Variants in TNRC18 observed in about 807,000 individuals in gnomAD.
TNRC18 encodes trinucleotide repeat containing 18, also known as trinucleotide repeat-containing gene 18 protein.
TNRC18 carries 69 observed loss-of-function variants against 226.7 expected under a neutral mutation model. The ratio of observed to expected loss-of-function variants is 0.30; its 90% CI spans 0.25 to 0.37. TNRC18 has a LOEUF of 0.37. Ranked by LOEUF, TNRC18 falls within the 10% of genes least tolerant of loss-of-function variation. The pLI is 1.00. For missense variants in TNRC18, 4,754 were observed against 4,256.6 expected, an observed-to-expected ratio of 1.12 and a Z score of -3.25; for synonymous variants, 2,449 against 1,927.6, an observed-to-expected ratio of 1.27 and a Z score of -7.09.
At chr7:5,316,143 A>C in intron 24 of TNRC18, 71 bp from the exon 25 acceptor site, 1 of 1,242,922 alleles carries the variant, frequency 8.0e-7, no homozygotes, top group South Asian at 1.3e-5. Flanking sequence ...AAGGGTCAGG[A>C]TGGCAGAAAC....
intron 17 of TNRC18, among the ~76,000 whole-genome samples, chr7:5,348,633 G>A (rs1280803887): frequency 6.7e-6 from 1 of 149,176 alleles, no homozygotes; most frequent in Non-Finnish European, 1.5e-5. Flanking sequence ...AGTCTGAGGA[G>A]TCCGCAGAGG....
At position 5,399,470 on chromosome 7, in the gene TNRC18, T is replaced by A. The variant is rs546513842; in HGVS notation, c.188-4875A>T. ...GCTCACACCTATAATCCCAGCACTTTGGGAGGACGAGGCGGGCAGATCACT... is the reference window on the plus strand; with the variant it reads ...GCTCACACCTATAATCCCAGCACTTAGGGAGGACGAGGCGGGCAGATCACT... On this transcript the variant is annotated intron_variant, in intron 2 of 29. Coordinates refer to ENST00000430969, the MANE Select transcript of TNRC18 (RefSeq NM_001080495.3). 2.6e-5 allele frequency among the ~76,000 whole-genome samples: 4 copies of A among 152,174 alleles called. No individual in the cohort carries two copies. The South Asian group carries it at 6.2e-4, about 24-fold the overall frequency.
chr7:5,365,718 T>C (rs554080282), intron 11 of TNRC18, among the ~76,000 whole-genome samples: 1 of 152,232 alleles, frequency 6.6e-6, no homozygotes, highest in South Asian at 2.1e-4. Flanking sequence ...CCTCCCAAAG[T>C]ACTGGGATTG....
intron 14 of TNRC18, among the ~76,000 whole-genome samples, chr7:5,360,607 G>A (rs1400141393): frequency 6.6e-6 from 1 of 152,070 alleles, no homozygotes; most frequent in Non-Finnish European, 1.5e-5. Flanking sequence ...CACACTAAGG[G>A]GTGGTGCTGG....
intron 11 of TNRC18, among the ~76,000 whole-genome samples, chr7:5,363,662 G>A (rs1019641877): frequency 2.6e-5 from 4 of 152,134 alleles, no homozygotes; most frequent in Non-Finnish European, 5.9e-5. Context: ...ACAGGGTCCT[G>A]TGCTCTATTC....
chr7:5,322,283 A>AATAATAATC lies in TNRC18; in HGVS notation c.6443-1094_6443-1093insGATTATTAT, dbSNP rs146792528. ...ACAGAGAGTCAGATTCCGTCTCAATAATCATCATCATCATCATCATCATCA... is the reference window on the plus strand; with the variant it reads ...ACAGAGAGTCAGATTCCGTCTCAATAATAATAATCATCATCATCATCATCATCATCATCA... On this transcript the variant is annotated intron_variant, in intron 21 of 29. Transcript: ENST00000430969. Among the ~76,000 whole-genome samples the AATAATAATC allele has an allele frequency of 2.7e-3, 401 of 149,500 alleles. 2 individuals carry two copies. The highest frequency in any genetic ancestry group is 9.3e-3 in the African/African-American group (380 of 40,706).
chr7:5,359,313 C>A, intron 15 of TNRC18, 85 bp downstream of exon 15: 3 of 1,390,078 alleles, frequency 2.2e-6, no homozygotes, highest in Non-Finnish European at 3.0e-6. Context: ...GAACAAAGGG[C>A]CTGCGAAGGG....
chr7:5,392,307 CA>C (rs1780358874), intron 3 of TNRC18, among the ~76,000 whole-genome samples: 1 of 152,032 alleles, frequency 6.6e-6, no homozygotes, highest in African/African-American at 2.4e-5. Context: ...ACTAAAAATA[CA>C]AAAAATTAGA....
At chr7:5,402,729 C>T (rs1781192752) in intron 2 of TNRC18, among the ~76,000 whole-genome samples, 1 of 151,968 alleles carries the variant, frequency 6.6e-6, no homozygotes, top group Admixed American at 6.6e-5. Flanking sequence ...TGGTGGACGC[C>T]TATAATCCCA....
intron 21 of TNRC18, among the ~76,000 whole-genome samples, chr7:5,323,568 G>GTTTTTTTT (rs1554272402): frequency 0.12 from 14,242 of 121,986 alleles, 1,431 homozygotes; most frequent in Admixed American, 0.19. Context: ...GCACCAGACA[G>GTTTTTTTT]TTTTTTTTTT....
chr7:5,341,506 G>C (rs1790682522), intron 18 of TNRC18, among the ~76,000 whole-genome samples: 1 of 151,562 alleles, frequency 6.6e-6, no homozygotes, highest in Admixed American at 6.6e-5. Context: ...GCTCACACCT[G>C]TAATCCCAGC....
At chr7:5,311,908 A>G (rs1259720977) in intron 27 of TNRC18, among the ~76,000 whole-genome samples, 2 of 151,734 alleles carry the variant, frequency 1.3e-5, no homozygotes, top group Non-Finnish European at 2.9e-5. Context: ...CGAGGCAGGC[A>G]GATCACTTGA....
chr7:5,312,419 G>C lies in TNRC18; in HGVS notation c.8388+84C>G, dbSNP rs1193971335. 4.2e-5 allele frequency: 64 copies of C among 1,522,460 alleles called. No homozygotes were observed. The highest frequency in any genetic ancestry group is 5.4e-5 in the Non-Finnish European group (62 of 1,140,694). 94.3% of individuals were successfully genotyped at this position (1,522,460 alleles called of 1,614,324 possible). On this transcript the variant is annotated intron_variant, in intron 27 of 29. Transcript: ENST00000430969. This position sits in a 1 kb window ranked among gnomAD's most constrained non-coding sequence, Gnocchi z 6.3. ...GGGTTCTGGGAGGTTACCACACACG[G>C]AGACACAGCATGAAGCCGTGGGCCC...
intron 2 of TNRC18, 166 bp downstream of exon 2, chr7:5,420,894 G>GGGC (rs1490103892): frequency 1.0e-5 from 9 of 881,542 alleles, no homozygotes; most frequent in African/African-American, 3.3e-5. Context: ...CACCGCCTTG[G>GGGC]CTCCGGGACC....
In TNRC18 at chr7:5,362,631, G is replaced by A. The variant is rs759326478; in HGVS notation, c.4395+19C>T. 1.4e-5 allele frequency: 21 copies of A among 1,537,100 alleles called. No homozygotes were observed. Among genetic ancestry groups the A allele is most frequent in the Admixed American group, 1.9e-5 (1 of 51,372 alleles). ...AGCCTCCCCCGCGGACCCCAGGGAG[G>A]AAGCAGCCAGCCGCTCACCCGCTCC... On this transcript the variant is annotated intron_variant, in intron 12 of 29. Coordinates refer to ENST00000430969, the MANE Select transcript of TNRC18 (RefSeq NM_001080495.3).
intron 5 of TNRC18, among the ~76,000 whole-genome samples, chr7:5,380,205 G>A (rs1779300641): frequency 6.6e-6 from 1 of 152,174 alleles, no homozygotes; most frequent in Admixed American, 6.5e-5. Context: ...CAGCACTCTG[G>A]GAGGCCGAGG....
At chr7:5,379,848 A>G (rs1294072024) in intron 5 of TNRC18, among the ~76,000 whole-genome samples, 4 of 152,144 alleles carry the variant, frequency 2.6e-5, no homozygotes, top group Admixed American at 1.3e-4. Context: ...CGGCCTTCCC[A>G]GGGCTTCCGG....
chr7:5,361,997 C>T lies in TNRC18; in HGVS notation c.4432G>A (p.Ala1478Thr), dbSNP rs369633677. Residue 1478 changes from alanine to threonine, a missense_variant, in exon 13 of 30, where the codon GCC becomes ACC. Transcript: ENST00000430969. ...AMKSSLEDMD[A>T]LELDFRMRLA... Reference sequence around the variant, plus strand: ...CGCATCCGGAAGTCCAGCTCCAGGGCGTCCATGTCCTCCAGGGAGGACTTC... The same window carrying T: ...CGCATCCGGAAGTCCAGCTCCAGGGTGTCCATGTCCTCCAGGGAGGACTTC... The T allele has an allele frequency of 3.8e-5, 61 of 1,613,476 alleles. No individual in the cohort carries two copies. Among genetic ancestry groups the T allele is most frequent in the African/African-American group, 8.0e-5 (6 of 74,934 alleles).
chr7:5,408,683 C>A (rs913597880), intron 2 of TNRC18, among the ~76,000 whole-genome samples: 1 of 152,090 alleles, frequency 6.6e-6, no homozygotes, highest in Non-Finnish European at 1.5e-5. Flanking sequence ...AGCAAGAAAG[C>A]AGAGAGACAA....
Sources: gnomAD v4.1 joint callset for allele counts (sites outside exome capture counted in the v4.1 genomes callset) on GRCh38, gnomAD v4.1.1 for gene constraint, Gnocchi (gnomAD v3.1) non-coding constraint, MANE v1.5 for transcripts, NCBI Gene and HGNC (gene_info 2026-07-23, HGNC 2026-07-21) for gene names.